Variants in CCNH observed in about 807,000 individuals in gnomAD.
CCNH encodes cyclin-H.
Under a neutral mutation model 41.9 loss-of-function variants are expected in CCNH, and 31 were observed. The ratio of observed to expected loss-of-function variants is 0.74; its 90% CI spans 0.56 to 1.00. CCNH has a LOEUF of 1.00. CCNH is among the 50% of genes least tolerant of loss of function. The pLI is 0.00. For synonymous variants in CCNH, 138 were observed against 136.1 expected (o/e 1.01, Z -0.10); for missense variants, 362 against 388.4 (o/e 0.93, Z 0.57).
At chr5:87,333,455 G>A in intron 9 of CCNH, 1 of 1,469,824 alleles carries the variant, frequency 6.8e-7, no homozygotes, top group Non-Finnish European at 9.1e-7. Flanking sequence ...CAAGGTGAAA[G>A]AGCTTTTGAT....
At chr5:87,365,117 G>T (rs1760408094) in intron 9 of CCNH, among the ~76,000 whole-genome samples, 1 of 152,126 alleles carries the variant, frequency 6.6e-6, no homozygotes, top group Non-Finnish European at 1.5e-5. Context: ...TTGATTCTTG[G>T]AGGATGGGTA....
chr5:87,394,014 G>GTT (rs2112540238), downstream of CCNH: 1 of 153,860 alleles, frequency 6.5e-6, no homozygotes, highest in East Asian at 1.9e-4. Context: ...ACCTTCTGCA[G>GTT]TTTAATAGTA....
At chr5:87,321,422 G>C (rs1185406914) in intron 9 of CCNH, among the ~76,000 whole-genome samples, 1 of 152,130 alleles carries the variant, frequency 6.6e-6, no homozygotes, top group African/African-American at 2.4e-5. Flanking sequence ...GCTCAGTCTT[G>C]GGGTCTGGGC....
intron 9 of CCNH, among the ~76,000 whole-genome samples, chr5:87,327,941 T>C (rs1002284434): frequency 1.3e-4 from 19 of 148,946 alleles, no homozygotes; most frequent in Admixed American, 5.4e-4. Flanking sequence ...CACCCCAACC[T>C]GGGTAACAGA....
At chr5:87,328,409 G>C (rs1757388384) in intron 9 of CCNH, among the ~76,000 whole-genome samples, 1 of 152,158 alleles carries the variant, frequency 6.6e-6, no homozygotes, top group Admixed American at 6.5e-5. Flanking sequence ...AGACTTAAGA[G>C]TAATAGTGGG....
At chr5:87,324,731 C>T (rs77312088) in intron 9 of CCNH, among the ~76,000 whole-genome samples, 12 of 152,014 alleles carry the variant, frequency 7.9e-5, no homozygotes, top group African/African-American at 1.4e-4. Flanking sequence ...ATAAACACGC[C>T]CTCTTCTCCC....
chr5:87,367,447 GGT>G (rs1760608922), intron 9 of CCNH, among the ~76,000 whole-genome samples: 1 of 152,194 alleles, frequency 6.6e-6, no homozygotes, highest in Admixed American at 6.5e-5. Context: ...TTGTGCAGTA[GGT>G]GATTAGTGCG....
At chr5:87,373,280 A>T (rs1418457611), downstream of CCNH, among the ~76,000 whole-genome samples, 3 of 152,140 alleles carry the variant, frequency 2.0e-5, no homozygotes, top group East Asian at 1.9e-4. Flanking sequence ...ACAGTATAAC[A>T]ACTATGTACA....
intron 9 of CCNH, among the ~76,000 whole-genome samples, chr5:87,361,489 A>G (rs1456086047): frequency 6.6e-6 from 1 of 152,194 alleles, no homozygotes; most frequent in East Asian, 1.9e-4. Flanking sequence ...AAGATGGACT[A>G]AAAGTCATAA....
chr5:87,404,676 A>G (rs1763653791), intron 5 of CCNH, among the ~76,000 whole-genome samples, 168 bp downstream of exon 5: 1 of 152,184 alleles, frequency 6.6e-6, no homozygotes. Flanking sequence ...TCTTAGTTTA[A>G]CAGTATTTTT....
chr5:87,373,339 C>T (rs1015650508), downstream of CCNH, among the ~76,000 whole-genome samples: 3 of 151,978 alleles, frequency 2.0e-5, no homozygotes, highest in African/African-American at 4.8e-5. Context: ...AGATGATTTA[C>T]GGCATACAGG....
intron 9 of CCNH, among the ~76,000 whole-genome samples, chr5:87,333,055 CT>C (rs1472420157): frequency 2.0e-5 from 3 of 152,004 alleles, no homozygotes; most frequent in Non-Finnish European, 2.9e-5. Flanking sequence ...TAAAAGCATA[CT>C]GCTTATATTT....
At position 87,349,323 on chromosome 5, in the gene CCNH, G is replaced by A. The variant is rs371724329; in HGVS notation, c.*91-30426C>T. On this transcript the variant is annotated intron_variant and NMD_transcript_variant, in intron 9 of 9. Transcript: ENST00000645953. ...TTCAGCGATTTAAAATATGTCCAAC[G>A]CCAAACAATCAGTTTATGATGGGAG... The A allele has an allele frequency of 2.2e-5, 35 of 1,611,706 alleles. No homozygotes were observed. The highest frequency in any genetic ancestry group is 6.7e-5 in the East Asian group (3 of 44,738).
At chr5:87,325,839 A>G (rs944393019) in intron 9 of CCNH, among the ~76,000 whole-genome samples, 1 of 152,180 alleles carries the variant, frequency 6.6e-6, no homozygotes, top group African/African-American at 2.4e-5. Context: ...GCCTGTCTGT[A>G]TTCACACTAG....
chr5:87,337,146 T>C (rs1255274570), intron 9 of CCNH, among the ~76,000 whole-genome samples: 1 of 152,108 alleles, frequency 6.6e-6, no homozygotes, highest in Admixed American at 6.5e-5. Flanking sequence ...GGAAACTTTG[T>C]ATTCAGATGC....
chr5:87,333,156 T>C, intron 9 of CCNH: 1 of 1,461,342 alleles, frequency 6.8e-7, no homozygotes, highest in East Asian at 2.5e-5. Flanking sequence ...ATTTGAATGA[T>C]CCCATGGAGT....
chr5:87,394,287 G>A lies in CCNH; in HGVS notation c.*159C>T. 1 of 1,340,896 alleles carries A rather than the reference G, an allele frequency of 7.5e-7. No individual in the cohort carries two copies. The highest frequency in any genetic ancestry group is 9.6e-7 in the Non-Finnish European group (1 of 1,041,702). 83.1% of individuals were successfully genotyped at this position (1,340,896 alleles called of 1,614,324 possible). On this transcript the variant is annotated 3_prime_UTR_variant, in exon 9 of 9. Coordinates refer to ENST00000256897, the MANE Select transcript of CCNH (RefSeq NM_001239.4). ...TGCTATTCTAGCTCTTTTGAAGATG[G>A]TTTATTTTACATAAAGTTACTGTGA...
At chr5:87,398,877 G>A (rs1460865562) in intron 7 of CCNH, among the ~76,000 whole-genome samples, 1 of 151,990 alleles carries the variant, frequency 6.6e-6, no homozygotes, top group African/African-American at 2.4e-5. Flanking sequence ...GGAGGCTGAG[G>A]CAGGAGAATG....
intron 3 of CCNH, among the ~76,000 whole-genome samples, chr5:87,408,704 G>A (rs1580464147): frequency 6.6e-6 from 1 of 152,286 alleles, no homozygotes; most frequent in African/African-American, 2.4e-5. Context: ...TGTTCAGTAT[G>A]AGAAAACAGT....
Sources: allele counts gnomAD v4.1 joint callset (sites outside exome capture counted in the v4.1 genomes callset), GRCh38; gene constraint gnomAD v4.1.1; transcripts MANE v1.5; gene names NCBI Gene and HGNC (gene_info 2026-07-23, HGNC 2026-07-21).